The following SPOCK1 variants were observed in gnomAD, a reference collection of about 807,000 sequenced individuals.
SPOCK1 encodes the protein SPARC (osteonectin), cwcv and kazal like domains proteoglycan 1, also known as testican-1.
In SPOCK1, 23 loss-of-function variants were observed where a neutral mutation model predicts 55.3. The ratio of observed to expected loss-of-function variants is 0.42; its 90% confidence interval spans 0.30 to 0.59. The LOEUF (loss-of-function observed/expected upper bound fraction) is 0.59, where lower values mean the gene tolerates loss of function less well. SPOCK1 is among the 20% of genes least tolerant of loss of function. The probability of loss-of-function intolerance (pLI) is 0.22; values close to 1 mark genes in which losing one functional copy is unlikely to be tolerated. For missense variants in SPOCK1, 499 were observed against 552.5 expected, an observed-to-expected ratio of 0.90 and a Z score of 0.97; for synonymous variants, 226 against 221.0, an observed-to-expected ratio of 1.02 and a Z score of -0.20.
At chr5:137,179,153 A>C (rs1030930300) in intron 3 of SPOCK1, among the ~76,000 whole-genome samples, 1 of 152,240 alleles carries the variant, frequency 6.6e-6, no homozygotes, top group South Asian at 2.1e-4. Flanking sequence ...AAAAGGCAGA[A>C]TCCATCCCCA....
chr5:136,991,675 A>G (rs1418127416), intron 7 of SPOCK1, among the ~76,000 whole-genome samples: 1 of 152,218 alleles, frequency 6.6e-6, no homozygotes, highest in African/African-American at 2.4e-5. Flanking sequence ...GCCAAACTAC[A>G]TATATCAAAT....
intron 3 of SPOCK1, among the ~76,000 whole-genome samples, chr5:137,228,381 C>T (rs958407989): frequency 6.6e-6 from 1 of 152,204 alleles, no homozygotes; most frequent in African/African-American, 2.4e-5. Flanking sequence ...CAGCTCATGC[C>T]TGTAATGCTA....
chr5:137,278,748 G>T (rs1443171901), intron 2 of SPOCK1, among the ~76,000 whole-genome samples: 2 of 152,124 alleles, frequency 1.3e-5, no homozygotes, highest in Admixed American at 6.5e-5. Flanking sequence ...CTTCAGCCAG[G>T]CTCCACTCTT....
intron 2 of SPOCK1, among the ~76,000 whole-genome samples, chr5:137,269,575 A>G (rs1210051734): frequency 6.6e-6 from 1 of 152,114 alleles, no homozygotes; most frequent in African/African-American, 2.4e-5. Flanking sequence ...ATACGTGATC[A>G]CTCCTGCACA....
chr5:137,465,799 A>G (rs1753606732), intron 2 of SPOCK1, among the ~76,000 whole-genome samples: 1 of 152,216 alleles, frequency 6.6e-6, no homozygotes, highest in Non-Finnish European at 1.5e-5. Flanking sequence ...GAATAGAAAA[A>G]CAGACAACAA....
intron 3 of SPOCK1, among the ~76,000 whole-genome samples, chr5:137,208,542 T>A (rs938867043): frequency 2.8e-4 from 43 of 152,176 alleles, no homozygotes; most frequent in African/African-American, 9.2e-4. Context: ...AAGAATGAAA[T>A]CACATATTTT....
At chr5:137,432,046 T>G (rs1449334622) in intron 2 of SPOCK1, among the ~76,000 whole-genome samples, 2 of 151,994 alleles carry the variant, frequency 1.3e-5, no homozygotes, top group Non-Finnish European at 2.9e-5. Flanking sequence ...AAAACCACAA[T>G]GAGATACCAC....
chr5:137,443,954 C>T (rs573837598), intron 2 of SPOCK1, among the ~76,000 whole-genome samples: 1 of 152,256 alleles, frequency 6.6e-6, no homozygotes, highest in East Asian at 1.9e-4. Context: ...TAAACCTGGG[C>T]ACTTTTGAGA....
chr5:137,476,698 G>A (rs1753844003), intron 2 of SPOCK1, among the ~76,000 whole-genome samples: 1 of 152,196 alleles, frequency 6.6e-6, no homozygotes, highest in Admixed American at 6.5e-5. Flanking sequence ...GCCGAGGCAA[G>A]TGGATCACTT....
At chr5:137,115,444 G>A (rs547559058) in intron 4 of SPOCK1, among the ~76,000 whole-genome samples, 2 of 152,010 alleles carry the variant, frequency 1.3e-5, no homozygotes. Context: ...TTCATCCCCT[G>A]TTTTGGCATA....
intron 3 of SPOCK1, among the ~76,000 whole-genome samples, chr5:137,164,210 C>T (rs1754608415): frequency 2.0e-5 from 3 of 152,126 alleles, no homozygotes; most frequent in African/African-American, 7.2e-5. Context: ...TACTTCTCTA[C>T]CAGATTAAGT....
chr5:137,321,738 C>T (rs1010574204), intron 2 of SPOCK1, among the ~76,000 whole-genome samples: 4 of 151,982 alleles, frequency 2.6e-5, no homozygotes, highest in African/African-American at 9.7e-5. Flanking sequence ...ATTAGCCAGG[C>T]ATGGTAGCAG....
intron 2 of SPOCK1, among the ~76,000 whole-genome samples, chr5:137,314,246 T>A (rs893798203): frequency 6.6e-6 from 1 of 152,044 alleles, no homozygotes; most frequent in Non-Finnish European, 1.5e-5. Flanking sequence ...TGCTCATCAG[T>A]GAATAAGGAC....
At chr5:137,079,249 A>C (rs954649345) in intron 5 of SPOCK1, among the ~76,000 whole-genome samples, 1 of 152,232 alleles carries the variant, frequency 6.6e-6, no homozygotes, top group Admixed American at 6.5e-5. Context: ...TCACTTGGTT[A>C]GCCCCAGTGC....
chr5:137,402,117 C>T (rs1270518111), intron 2 of SPOCK1, among the ~76,000 whole-genome samples: 1 of 152,160 alleles, frequency 6.6e-6, no homozygotes, highest in Admixed American at 6.5e-5. Flanking sequence ...TTCAGGCCAG[C>T]ACCAAAAAGC....
At chr5:137,298,246 G>C (rs1382123878) in intron 2 of SPOCK1, among the ~76,000 whole-genome samples, 1 of 152,172 alleles carries the variant, frequency 6.6e-6, no homozygotes, top group Admixed American at 6.5e-5. Flanking sequence ...AGGTTCTCTT[G>C]CTTTGGATAC....
chr5:137,032,433 T>G (rs1670231523), intron 6 of SPOCK1, among the ~76,000 whole-genome samples: 1 of 152,054 alleles, frequency 6.6e-6, no homozygotes, highest in Admixed American at 6.6e-5. Context: ...TTTAAAAGAT[T>G]AATTTGGGGC....
At chr5:137,069,186 G>A (rs752117552) in intron 5 of SPOCK1, among the ~76,000 whole-genome samples, 36 of 152,176 alleles carry the variant, frequency 2.4e-4, no homozygotes, top group Non-Finnish European at 4.6e-4. Context: ...GATTAGAAAC[G>A]GAGGGAAAGA....
intron 6 of SPOCK1, among the ~76,000 whole-genome samples, chr5:137,066,963 T>C (rs866239983): frequency 8.7e-5 from 11 of 126,352 alleles, no homozygotes; most frequent in East Asian, 2.4e-4. Flanking sequence ...AACATAAGCA[T>C]ACACACACAC....
Sources: gnomAD v4.1 joint callset for allele counts (sites outside exome capture counted in the v4.1 genomes callset) on GRCh38, gnomAD v4.1.1 for gene constraint, MANE v1.5 for transcripts, NCBI Gene and HGNC (gene_info 2026-07-23, HGNC 2026-07-21) for gene names.